The following MACROD2 variants were observed in gnomAD, a reference collection of about 807,000 sequenced individuals.
The protein encoded by MACROD2 is ADP-ribose glycohydrolase MACROD2.
In MACROD2, 36 loss-of-function variants were observed where a neutral mutation model predicts 70.4. That is an observed-to-expected ratio of 0.51 (90% confidence interval 0.39 to 0.68). MACROD2 has a LOEUF of 0.68. MACROD2 is among the 30% of genes least tolerant of loss of function. MACROD2 has a pLI of 0.00. For synonymous variants in MACROD2, 172 were observed against 178.8 expected, an observed-to-expected ratio of 0.96 and a Z score of 0.30; for missense variants, 496 against 538.4, an observed-to-expected ratio of 0.92 and a Z score of 0.78.
At chr20:14,971,963 A>G (rs977029568) in intron 5 of MACROD2, among the ~76,000 whole-genome samples, 6 of 152,114 alleles carry the variant, frequency 3.9e-5, no homozygotes, top group South Asian at 2.1e-4. Flanking sequence ...TTGCTTGTCT[A>G]TGTCTGCAGC....
chr20:15,401,020 C>G (rs778042160), intron 6 of MACROD2, among the ~76,000 whole-genome samples: 1 of 151,456 alleles, frequency 6.6e-6, no homozygotes, highest in African/African-American at 2.4e-5. Context: ...ACTCAGGTAA[C>G]GGATCTGAAG....
At chr20:15,141,907 G>A (rs186290212) in intron 5 of MACROD2, among the ~76,000 whole-genome samples, 21 of 152,202 alleles carry the variant, frequency 1.4e-4, no homozygotes, top group African/African-American at 5.1e-4. Flanking sequence ...AACCCAGATC[G>A]AGCTTGTGCT....
chr20:14,804,090 T>A (rs2072610451), intron 5 of MACROD2, among the ~76,000 whole-genome samples: 1 of 152,114 alleles, frequency 6.6e-6, no homozygotes, highest in South Asian at 2.1e-4. Context: ...TATTTCTTTA[T>A]GTGTGGTTTT....
At chr20:15,703,262 A>C (rs2050486331) in intron 8 of MACROD2, among the ~76,000 whole-genome samples, 1 of 152,234 alleles carries the variant, frequency 6.6e-6, no homozygotes, top group Non-Finnish European at 1.5e-5. Flanking sequence ...TTGTGACACC[A>C]AACCATGACC....
chr20:15,895,107 C>A (rs1012219340), intron 10 of MACROD2, among the ~76,000 whole-genome samples: 4 of 152,192 alleles, frequency 2.6e-5, no homozygotes, highest in Non-Finnish European at 5.9e-5. Flanking sequence ...CATATAACAG[C>A]TATTAAGCTG....
At chr20:15,458,057 T>C (rs1273823914) in intron 7 of MACROD2, among the ~76,000 whole-genome samples, 2 of 151,842 alleles carry the variant, frequency 1.3e-5, no homozygotes. Context: ...GTTCTGTTTT[T>C]CTAAACTCAA....
chr20:15,920,303 C>T (rs2065383999), intron 10 of MACROD2, among the ~76,000 whole-genome samples: 1 of 151,988 alleles, frequency 6.6e-6, no homozygotes, highest in South Asian at 2.1e-4. Context: ...TTATTTATGA[C>T]ATAAGGAGAA....
At chr20:15,605,560 A>T (rs1428140995) in intron 8 of MACROD2, among the ~76,000 whole-genome samples, 1 of 152,014 alleles carries the variant, frequency 6.6e-6, no homozygotes, top group East Asian at 1.9e-4. Flanking sequence ...AGCAAAACCA[A>T]ATAGAATAAA....
chr20:15,346,321 G>A (rs1013174324), intron 6 of MACROD2, among the ~76,000 whole-genome samples: 2 of 152,180 alleles, frequency 1.3e-5, no homozygotes, highest in Admixed American at 6.5e-5. Flanking sequence ...AAGGAGGCAA[G>A]ACCCTCATCT....
At chr20:14,433,905 G>A (rs1454464997) in intron 3 of MACROD2, among the ~76,000 whole-genome samples, 2 of 152,016 alleles carry the variant, frequency 1.3e-5, no homozygotes, top group Admixed American at 1.3e-4. Context: ...CTATGAAAAT[G>A]ACTTGCATAC....
At chr20:15,612,266 T>C (rs1802014239) in intron 8 of MACROD2, among the ~76,000 whole-genome samples, 1 of 152,182 alleles carries the variant, frequency 6.6e-6, no homozygotes, top group African/African-American at 2.4e-5. Context: ...ATCTGAACAT[T>C]GTCTTGTCCC....
At chr20:14,357,158 G>C (rs921610382) in intron 3 of MACROD2, among the ~76,000 whole-genome samples, 1 of 152,160 alleles carries the variant, frequency 6.6e-6, no homozygotes, top group African/African-American at 2.4e-5. Context: ...TGTAAGAAGA[G>C]TATGAGTGGT....
chr20:14,855,480 C>T (rs1187768515), intron 5 of MACROD2, among the ~76,000 whole-genome samples: 1 of 151,922 alleles, frequency 6.6e-6, no homozygotes, highest in Non-Finnish European at 1.5e-5. Context: ...TCATAATTTT[C>T]CACTGAATCT....
At chr20:14,369,681 G>C (rs6079404) in intron 3 of MACROD2, among the ~76,000 whole-genome samples, 57,915 of 151,960 alleles carry the variant, frequency 0.38, 12,553 homozygotes, top group Non-Finnish European at 0.49. Context: ...AATGTGCACT[G>C]TCCGTTGAAT....
At chr20:15,489,959 A>G (rs1243099283) in intron 7 of MACROD2, among the ~76,000 whole-genome samples, 1 of 152,102 alleles carries the variant, frequency 6.6e-6, no homozygotes, top group East Asian at 1.9e-4. Flanking sequence ...TTTTTGTGGA[A>G]GCCAGAGGTG....
At chr20:14,495,372 CA>C (rs768612692) in intron 4 of MACROD2, among the ~76,000 whole-genome samples, 2 of 151,902 alleles carry the variant, frequency 1.3e-5, no homozygotes, top group Non-Finnish European at 2.9e-5. Flanking sequence ...ATAGGAAAGG[CA>C]AAACATGAAA....
At chr20:15,882,258 G>A (rs1398025816) in intron 9 of MACROD2, among the ~76,000 whole-genome samples, 1 of 152,094 alleles carries the variant, frequency 6.6e-6, no homozygotes, top group Non-Finnish European at 1.5e-5. Flanking sequence ...GGGCACAGAA[G>A]CTTATCTCTT....
chr20:15,545,992 T>A (rs572051456), intron 8 of MACROD2, among the ~76,000 whole-genome samples: 1 of 152,336 alleles, frequency 6.6e-6, no homozygotes, highest in East Asian at 1.9e-4. Flanking sequence ...CGATGGCTCA[T>A]GCCTGTCATC....
chr20:15,290,270 C>A (rs898922433), intron 6 of MACROD2, among the ~76,000 whole-genome samples: 2 of 152,088 alleles, frequency 1.3e-5, no homozygotes, highest in African/African-American at 4.8e-5. Context: ...ATAAATTAAA[C>A]AAAATGGCTT....
Sources: gnomAD v4.1 joint callset for allele counts (sites outside exome capture counted in the v4.1 genomes callset) on GRCh38, gnomAD v4.1.1 for gene constraint, MANE v1.5 for transcripts, NCBI Gene and HGNC (gene_info 2026-07-23, HGNC 2026-07-21) for gene names.